Variants in MICALL2 observed in about 807,000 individuals in gnomAD.
MICALL2 encodes the protein MICAL like 2.
MICALL2 carries 111 observed loss-of-function variants against 91.1 expected under a neutral mutation model. That is an observed-to-expected ratio of 1.22 (90% CI 1.04 to 1.43). The LOEUF (loss-of-function observed/expected upper bound fraction) is 1.43, where lower values mean the gene tolerates loss of function less well. Among genes scored for constraint, MICALL2 ranks in the 40% most tolerant of loss-of-function variants. The pLI, the probability that MICALL2 is intolerant of heterozygous loss-of-function variation, is 0.00. For missense variants in MICALL2, 1,556 were observed against 1,236.0 expected, an observed-to-expected ratio of 1.26 and a Z score of -3.88; for synonymous variants, 694 against 525.3, an observed-to-expected ratio of 1.32 and a Z score of -4.39.
At chr7:1,443,937 G>A (rs908878481) in intron 6 of MICALL2, among the ~76,000 whole-genome samples, 10 of 152,112 alleles carry the variant, frequency 6.6e-5, no homozygotes, top group African/African-American at 9.7e-5. Flanking sequence ...GGCAGGCGCC[G>A]GGCCCAGGCA....
At chr7:1,440,546 A>G (rs761254361) in intron 8 of MICALL2, 45 bp downstream of exon 8, 4 of 1,514,148 alleles carry the variant, frequency 2.6e-6, no homozygotes, top group Non-Finnish European at 2.8e-6. Context: ...TTTATTAAGC[A>G]CCTATGGTGT....
rs763386773 is a variant in MICALL2, at chr7:1,436,849, C to CAG, written c.2482_2483dup (p.Lys829Ter). The CAG allele has an allele frequency of 6.9e-6, 11 of 1,593,086 alleles. No individual in the cohort carries two copies. The South Asian group carries it at 1.0e-4, about 15-fold the overall frequency. Reference sequence around the variant, plus strand: ...CCCGCCGCCGCTCCTGCAGTGACTTCAGAGCCTCTGTGGGGATGGCTCGTC... The same window carrying CAG: ...CCCGCCGCCGCTCCTGCAGTGACTTCAGAGAGCCTCTGTGGGGATGGCTCGTC... On this transcript the variant is annotated frameshift_variant, in exon 15 of 17. Transcript: ENST00000297508. LOFTEE classifies it high-confidence loss of function.
rs879900277 is a variant in MICALL2 at position 1,455,528 on chromosome 7, C to T, written c.143+3656G>A. ...GCGATCCTGTTTCCTGGCCGTAAAG[C>T]GGAGATTCACGGACACCTCTCTGTA... On this transcript the variant is annotated intron_variant, in intron 1 of 16. Coordinates refer to ENST00000297508, the MANE Select transcript of MICALL2 (RefSeq NM_182924.4). Among the ~76,000 whole-genome samples the T allele has an allele frequency of 4.1e-5, 6 of 147,580 alleles. 1 individual carries two copies. The highest frequency in any genetic ancestry group is 9.3e-5 in the Non-Finnish European group (6 of 64,332).
chr7:1,454,103 T>A (rs1357234517), intron 1 of MICALL2, among the ~76,000 whole-genome samples: 1 of 140,144 alleles, frequency 7.1e-6, no homozygotes, highest in Non-Finnish European at 1.5e-5. Context: ...TATACCCCCC[T>A]CCAAATTCCT....
chr7:1,437,945 A>G lies in MICALL2; in HGVS notation c.2347T>C (p.Trp783Arg), dbSNP rs1326634882. 1.3e-6 allele frequency: 2 copies of G among 1,550,010 alleles called. No individual in the cohort carries two copies. Among genetic ancestry groups the G allele is most frequent in the South Asian group, 1.2e-5 (1 of 84,038 alleles). The change falls in exon 13 of 17, where the codon TGG becomes CGG. Residue 783 changes from tryptophan (W) to arginine (R), a missense_variant. Coordinates refer to ENST00000297508, the MANE Select transcript of MICALL2 (RefSeq NM_182924.4). Reference sequence around the variant, plus strand: ...AGAAGCTGCTTCTCGTGAATGAGCCAGAACCAGTCCACCATGAGGCTATCC... The same window carrying G: ...AGAAGCTGCTTCTCGTGAATGAGCCGGAACCAGTCCACCATGAGGCTATCC... ...AEDSLMVDWF[W>R]LIHEKQLLLR...
rs61287564 is a variant in MICALL2, at chr7:1,440,023, T to A, written c.1868A>T (p.Lys623Met). 6.4e-7 allele frequency: 1 copy of A among 1,574,778 alleles called. No individual in the cohort carries two copies. The highest frequency in any genetic ancestry group is 8.6e-7 in the Non-Finnish European group (1 of 1,167,756). ...ACTCCCAGCAAAGCTGCCTGAGACC[T>A]TCCTGGGGGCCTCCCCCGCCCTCGG... ...AEPRAGEAPR[K>M]VSGSFAGSVH... Residue 623 changes from lysine (K) to methionine (M), a missense_variant, in exon 9 of 17, where the codon AAG (lysine) becomes ATG (methionine). Coordinates refer to ENST00000297508, the MANE Select transcript of MICALL2 (RefSeq NM_182924.4).
intron 2 of MICALL2, among the ~76,000 whole-genome samples, chr7:1,449,548 A>C (rs943371639): frequency 6.6e-6 from 1 of 152,236 alleles, no homozygotes; most frequent in Non-Finnish European, 1.5e-5. Flanking sequence ...ATTAAGTTAA[A>C]GCTTAAGTTC....
intron 1 of MICALL2, among the ~76,000 whole-genome samples, chr7:1,450,843 G>A (rs1780799545): frequency 6.6e-6 from 1 of 152,226 alleles, no homozygotes; most frequent in South Asian, 2.1e-4. Flanking sequence ...GTTGTTGGAA[G>A]GGTGACTTCT....
chr7:1,446,581 G>A lies in MICALL2; in HGVS notation c.641+132C>T, dbSNP rs1377660825. On this transcript the variant is annotated intron_variant, in intron 5 of 16. Transcript: ENST00000297508. ...GGGAGACGGGGAGGGGGAGGGGGGA[G>A]GAGGGGAGAGGGGAGAGGGGAGAGG... The A allele has an allele frequency of 1.5e-4, 89 of 611,630 alleles. No individual in the cohort carries two copies. The African/African-American group carries it at 1.5e-3, about 10-fold the overall frequency. The allele number at this position is 611,630 out of a possible 1,614,324, so 37.9% of individuals were successfully genotyped here.
rs1291946585 is a variant in MICALL2, at chr7:1,447,759, C to T, written c.341G>A (p.Gly114Asp). Residue 114 changes from glycine (G) to aspartate (D), a missense_variant, in exon 4 of 17, where the codon GGC (glycine) becomes GAC (aspartate). Physicochemically the swap from Gly to Asp is moderately conservative, Grantham distance 94 (BLOSUM62 -1). Transcript: ENST00000297508. The part of the protein sequence containing the change: ...NYFHGRSPIG[G>D]MAGVKRASED... The stretch of plus-strand genomic sequence containing the variant: ...CGAGGCCCTCTTCACGCCTGCCATG[C>T]CCCCAACTGGAGGAATCAAGCAGGG... 8.5e-6 allele frequency: 13 copies of T among 1,534,934 alleles called. No homozygotes were observed. Among genetic ancestry groups the T allele is most frequent in the Admixed American group, 7.9e-5 (4 of 50,594 alleles).
chr7:1,459,214 G>A lies in MICALL2; in HGVS notation c.113C>T (p.Ala38Val). The A allele has an allele frequency of 6.2e-7, 1 of 1,610,806 alleles. No individual in the cohort carries two copies. The highest frequency in any genetic ancestry group is 8.5e-7 in the Non-Finnish European group (1 of 1,178,934). ...TSFRDGLAFCAILHRHRPDLI... is the reference protein window; with the variant it reads ...TSFRDGLAFCVILHRHRPDLI... ...GTCGGGCCGGTGGCGGTGCAGGATGGCGCAGAAAGCCAGGCCGTCGCGGAA... is the reference window on the plus strand; with the variant it reads ...GTCGGGCCGGTGGCGGTGCAGGATGACGCAGAAAGCCAGGCCGTCGCGGAA... The change falls in exon 1 of 17, where the codon GCC becomes GTC. Residue 38 changes from alanine (A) to valine (V), a missense_variant. Physicochemically the swap from Ala to Val is moderately conservative, Grantham distance 64. Transcript: ENST00000297508.
intron 1 of MICALL2, 88 bp downstream of exon 1, chr7:1,459,096 C>G: frequency 7.2e-7 from 1 of 1,388,828 alleles, no homozygotes; most frequent in Non-Finnish European, 9.8e-7. Context: ...GGCTCCCCAT[C>G]CCCCAGCCGC....
chr7:1,435,614 G>A (rs1779931637), intron 15 of MICALL2, among the ~76,000 whole-genome samples: 2 of 152,270 alleles, frequency 1.3e-5, no homozygotes, highest in African/African-American at 4.8e-5. Context: ...CGCTCCCAGA[G>A]GGTCTCATAG....
rs1780876887 is a variant in MICALL2 at position 1,452,616 on chromosome 7, C to T, written c.144-2328G>A. Reference sequence around the variant, plus strand: ...CCTCCCGCACTTGTTTCCGTCCACCCCAGGGGCCAGCAGCGGCTCTGTCCA... The same window carrying T: ...CCTCCCGCACTTGTTTCCGTCCACCTCAGGGGCCAGCAGCGGCTCTGTCCA... On this transcript the variant is annotated intron_variant, in intron 1 of 16. Transcript: ENST00000297508. This position sits in a 1 kb window ranked among gnomAD's most constrained non-coding sequence, Gnocchi z 6.2. Among the ~76,000 whole-genome samples the T allele has an allele frequency of 6.6e-6, 1 of 152,170 alleles. No homozygotes were observed. The highest frequency in any genetic ancestry group is 1.5e-5 in the Non-Finnish European group (1 of 68,004).
chr7:1,446,010 G>A (rs1229888363), intron 5 of MICALL2, among the ~76,000 whole-genome samples: 1 of 149,160 alleles, frequency 6.7e-6, no homozygotes, highest in East Asian at 2.0e-4. Context: ...CAGTCGGGAG[G>A]GCATCTTGAC....
At chr7:1,441,057 A>G in intron 7 of MICALL2, 1 of 293,266 alleles carries the variant, frequency 3.4e-6, no homozygotes, top group South Asian at 3.8e-5. Context: ...TGGGTCCTGC[A>G]GGATCCAGCG....
rs193271993 is a variant in MICALL2 at position 1,438,333 on chromosome 7, T to C, written c.2143A>G (p.Asn715Asp). 2 of 1,604,790 alleles carry C rather than the reference T, an allele frequency of 1.2e-6. No homozygotes were observed. The highest frequency in any genetic ancestry group is 2.2e-5 in the East Asian group (1 of 44,642). The change falls in exon 11 of 17, where the codon AAT becomes GAT. Residue 715 changes from asparagine to aspartate, a missense_variant. Coordinates refer to ENST00000297508, the MANE Select transcript of MICALL2 (RefSeq NM_182924.4). Reference protein sequence around the residue: ...GKPGRPLSPANVPALPGETVT... With the variant: ...GKPGRPLSPADVPALPGETVT... ...GTCTCGCCAGGCAGAGCAGGGACATTGGCCGGGGACAAGGGTCTCCCTGGA... is the reference window on the plus strand; with the variant it reads ...GTCTCGCCAGGCAGAGCAGGGACATCGGCCGGGGACAAGGGTCTCCCTGGA...
In MICALL2 at chr7:1,442,321, C is replaced by T. The variant is rs1562454968; in HGVS notation, c.1582G>A (p.Ala528Thr). 1 of 1,613,228 alleles carries T rather than the reference C, an allele frequency of 6.2e-7. No homozygotes were observed. Among genetic ancestry groups the T allele is most frequent in the South Asian group, 1.1e-5 (1 of 91,066 alleles). Residue 528 changes from alanine to threonine, a missense_variant, in exon 7 of 17, where the codon GCA becomes ACA. Ala to Thr is a moderately conservative substitution (Grantham distance 58). Coordinates refer to ENST00000297508, the MANE Select transcript of MICALL2 (RefSeq NM_182924.4). ...APLSTSSTSQASALPPAGRRN... is the reference protein window; with the variant it reads ...APLSTSSTSQTSALPPAGRRN... Reference sequence around the variant, plus strand: ...CTGCCTGCCGGGGGCAACGCGGATGCCTGAGAGGTACTGCTCGTGCTCAGC... The same window carrying T: ...CTGCCTGCCGGGGGCAACGCGGATGTCTGAGAGGTACTGCTCGTGCTCAGC...
Position 1,451,990 on chromosome 7 carries a change from G to A in MICALL2, c.144-1702C>T, listed in dbSNP as rs1010780827. Among the ~76,000 whole-genome samples the A allele has an allele frequency of 2.1e-4, 32 of 152,174 alleles. No homozygotes were observed. Among genetic ancestry groups the A allele is most frequent in the Non-Finnish European group, 7.4e-5 (5 of 68,022 alleles). ...AGCCACACGGTGGGGTGGGGGCAGT[G>A]GGATGGGGGCTGCAGGCTGCCCACC... On this transcript the variant is annotated intron_variant, in intron 1 of 16. Transcript: ENST00000297508. This position sits in a 1 kb window ranked among gnomAD's most constrained non-coding sequence, Gnocchi z 4.5.
Sources: gnomAD v4.1 joint callset for allele counts (sites outside exome capture counted in the v4.1 genomes callset) on GRCh38, gnomAD v4.1.1 for gene constraint, Gnocchi (gnomAD v3.1) non-coding constraint, MANE v1.5 for transcripts, NCBI Gene and HGNC (gene_info 2026-07-23, HGNC 2026-07-21) for gene names.